The following FAM193A variants were observed in gnomAD, a reference collection of about 807,000 sequenced individuals.
FAM193A encodes the protein protein FAM193A.
FAM193A carries 22 observed loss-of-function variants against 126.5 expected under a neutral mutation model. The ratio of observed to expected loss-of-function variants is 0.17; its 90% confidence interval spans 0.12 to 0.25. The LOEUF (loss-of-function observed/expected upper bound fraction) is 0.25, where lower values mean the gene tolerates loss of function less well. FAM193A is among the 10% of genes least tolerant of loss of function. The probability of loss-of-function intolerance (pLI) is 1.00; values close to 1 mark genes in which losing one functional copy is unlikely to be tolerated. For synonymous variants in FAM193A, 761 were observed against 646.8 expected, an observed-to-expected ratio of 1.18 and a Z score of -2.68; for missense variants, 1,675 against 1,672.8, an observed-to-expected ratio of 1.00 and a Z score of -0.02.
intron 6 of FAM193A, among the ~76,000 whole-genome samples, chr4:2,644,123 G>T (rs1027685619): frequency 1.1e-4 from 17 of 152,160 alleles, no homozygotes; most frequent in African/African-American, 4.1e-4. Context: ...GATAGTCCCT[G>T]TGACTCTTTT....
Position 2,553,682 on chromosome 4 carries a change from T to A in FAM193A, c.255+16512T>A, listed in dbSNP as rs115159078. ...GCGTGACTTCTCCTTTGACTTACAG[T>A]TTATTTAGAAGTTGGTATGGTTTGG... On this transcript the variant is annotated intron_variant, in intron 1 of 20. Coordinates refer to ENST00000637812, the MANE Select transcript of FAM193A (RefSeq NM_001366318.2). Among the ~76,000 whole-genome samples the A allele has an allele frequency of 6.7e-3, 1,016 of 152,088 alleles. 4 individuals are homozygous for A. The highest frequency in any genetic ancestry group is 0.011 in the Non-Finnish European group (771 of 67,978).
chr4:2,648,506 T>TTTCC (rs1381002167), intron 7 of FAM193A, among the ~76,000 whole-genome samples: 2 of 152,340 alleles, frequency 1.3e-5, no homozygotes, highest in South Asian at 4.1e-4. Flanking sequence ...AACCAGAGAC[T>TTTCC]TTCCTGCTGT....
chr4:2,688,438 G>A (rs536376058), intron 13 of FAM193A, among the ~76,000 whole-genome samples: 4 of 152,094 alleles, frequency 2.6e-5, no homozygotes, highest in African/African-American at 7.2e-5. Flanking sequence ...GTGTGGTAGC[G>A]AGCTGAGGCT....
chr4:2,556,587 T>TG (rs955297101), intron 1 of FAM193A, among the ~76,000 whole-genome samples: 4 of 152,090 alleles, frequency 2.6e-5, no homozygotes, highest in African/African-American at 7.2e-5. Context: ...GAGGCTGATG[T>TG]GGGGGGATCA....
At chr4:2,548,117 G>C (rs1737683503) in intron 1 of FAM193A, among the ~76,000 whole-genome samples, 1 of 148,382 alleles carries the variant, frequency 6.7e-6, no homozygotes. Flanking sequence ...TTGTCCCCAG[G>C]CTGGAGTGCA....
chr4:2,626,611 C>G, intron 4 of FAM193A, 34 bp downstream of exon 4: 1 of 674,816 alleles, frequency 1.5e-6, no homozygotes, highest in African/African-American at 1.8e-5. Context: ...TGGCCCCATG[C>G]AAACCCCTGC....
At chr4:2,686,933 A>C (rs887509617) in intron 13 of FAM193A, among the ~76,000 whole-genome samples, 3 of 152,166 alleles carry the variant, frequency 2.0e-5, no homozygotes, top group Admixed American at 2.0e-4. Flanking sequence ...ATGGGTATCT[A>C]TTGAAATACG....
intron 13 of FAM193A, among the ~76,000 whole-genome samples, chr4:2,674,503 G>A (rs1262153170): frequency 6.6e-6 from 1 of 152,174 alleles, no homozygotes; most frequent in Non-Finnish European, 1.5e-5. Flanking sequence ...GAAGGTGGGT[G>A]CTGAACGTGG....
intron 6 of FAM193A, among the ~76,000 whole-genome samples, chr4:2,645,514 T>G (rs1745046768): frequency 6.6e-6 from 1 of 151,898 alleles, no homozygotes; most frequent in African/African-American, 2.4e-5. Flanking sequence ...CCATCTTTCT[T>G]TTTTTTTCTT....
chr4:2,672,758 G>A (rs989422689), intron 13 of FAM193A, among the ~76,000 whole-genome samples: 1 of 152,148 alleles, frequency 6.6e-6, no homozygotes, highest in Admixed American at 6.5e-5. Context: ...AATACAACAT[G>A]AGTCCTCTAA....
chr4:2,660,117 T>TA (rs1311992332), intron 10 of FAM193A, 63 bp downstream of exon 10: 1 of 1,526,450 alleles, frequency 6.6e-7, no homozygotes, highest in Non-Finnish European at 9.0e-7. Flanking sequence ...GAGAAATACA[T>TA]ACAGTAATGT....
Position 2,659,925 on chromosome 4 carries a change from C to T in FAM193A, c.1616C>T (p.Pro539Leu). Residue 539 changes from proline to leucine, a missense_variant, in exon 10 of 21, where the codon CCT (proline) becomes CTT (leucine). Physicochemically the swap from Pro to Leu is moderately conservative, Grantham distance 98. Transcript: ENST00000637812. ...CTCCCACTTCAAGTGGATCCTGCTC[C>T]TGACTATCTTGCTGAGAGGAGCCCG... ...HQLPLQVDPAPDYLAERSPPS... is the reference protein window; with the variant it reads ...HQLPLQVDPALDYLAERSPPS... 1.2e-6 allele frequency: 2 copies of T among 1,614,200 alleles called. No homozygotes were observed. The highest frequency in any genetic ancestry group is 1.1e-5 in the South Asian group (1 of 91,082).
At chr4:2,641,000 G>T (rs1039861604) in intron 6 of FAM193A, among the ~76,000 whole-genome samples, 1 of 151,870 alleles carries the variant, frequency 6.6e-6, no homozygotes, top group Non-Finnish European at 1.5e-5. Context: ...CAAAGCAAGG[G>T]AATAAATTGT....
At chr4:2,664,558 C>CTTTTTTTTTTTTTTTTTT (rs33958851) in intron 12 of FAM193A, among the ~76,000 whole-genome samples, 4 of 73,074 alleles carry the variant, frequency 5.5e-5, no homozygotes, top group East Asian at 4.1e-4. Flanking sequence ...TATTTTCTTT[C>CTTTTTTTTTTTTTTTTTT]TTTTTTTTTT....
chr4:2,604,970 T>C (rs1220508963), intron 2 of FAM193A, among the ~76,000 whole-genome samples: 1 of 151,238 alleles, frequency 6.6e-6, no homozygotes, highest in Non-Finnish European at 1.5e-5. Context: ...GATGATTTTT[T>C]TTTTTTTTTT....
intron 2 of FAM193A, among the ~76,000 whole-genome samples, chr4:2,620,590 G>A (rs1742479070): frequency 6.6e-6 from 1 of 152,084 alleles, no homozygotes; most frequent in Admixed American, 6.6e-5. Flanking sequence ...GCTCATGCCT[G>A]TAATCCAGCA....
intron 19 of FAM193A, among the ~76,000 whole-genome samples, chr4:2,704,740 C>T (rs1038472791): frequency 2.6e-5 from 4 of 152,102 alleles, no homozygotes; most frequent in Non-Finnish European, 5.9e-5. Context: ...TGTTGCCAAT[C>T]CGTTAGCTAC....
At chr4:2,691,736 T>G (rs1408952511) in intron 15 of FAM193A, among the ~76,000 whole-genome samples, 1 of 151,208 alleles carries the variant, frequency 6.6e-6, no homozygotes, top group Non-Finnish European at 1.5e-5. Context: ...GCCTGGGAGT[T>G]TGAGACTAGC....
rs79387842 is a variant in FAM193A at position 2,671,713 on chromosome 4, G to A, written c.2080-408G>A. Among the ~76,000 whole-genome samples, 260 of 152,302 alleles carry A rather than the reference G, an allele frequency of 1.7e-3. 6 individuals are homozygous for A. In the East Asian group the frequency reaches 0.039, roughly 23 times the overall value. ...TCACTCCACCGTAACCGGAAGTCGCGTCTCTGCTTTGTTTTGGAGAATCCA... is the reference window on the plus strand; with the variant it reads ...TCACTCCACCGTAACCGGAAGTCGCATCTCTGCTTTGTTTTGGAGAATCCA... On this transcript the variant is annotated intron_variant, in intron 12 of 20. Transcript: ENST00000637812.
Sources: allele counts gnomAD v4.1 joint callset (sites outside exome capture counted in the v4.1 genomes callset), GRCh38; gene constraint gnomAD v4.1.1; transcripts MANE v1.5; gene names NCBI Gene and HGNC (gene_info 2026-07-23, HGNC 2026-07-21).